Variants in MDGA2 observed in about 807,000 individuals in gnomAD.
MDGA2 encodes MAM domain-containing glycosylphosphatidylinositol anchor protein 2.
A neutral mutation model predicts 117.8 loss-of-function variants in MDGA2; 40 were observed. That is an observed-to-expected ratio of 0.34 (90% confidence interval 0.26 to 0.44). MDGA2 has a LOEUF of 0.44. MDGA2 is among the 20% of genes least tolerant of loss of function. The pLI is 1.00. For synonymous variants in MDGA2, 452 were observed against 439.0 expected, an observed-to-expected ratio of 1.03 and a Z score of -0.37; for missense variants, 1,123 against 1,250.6, an observed-to-expected ratio of 0.90 and a Z score of 1.54.
At chr14:47,332,084 T>C (rs1431773252) in intron 1 of MDGA2, among the ~76,000 whole-genome samples, 1 of 151,998 alleles carries the variant, frequency 6.6e-6, no homozygotes, top group Non-Finnish European at 1.5e-5. Context: ...AAAATAATAA[T>C]ATTGAGTTTT....
At chr14:47,546,629 G>T (rs1895468030) in intron 1 of MDGA2, among the ~76,000 whole-genome samples, 1 of 152,112 alleles carries the variant, frequency 6.6e-6, no homozygotes, top group Non-Finnish European at 1.5e-5. Context: ...TCTATCCAAA[G>T]AACATGAGAA....
At chr14:46,867,991 C>T (rs1881845253) in intron 14 of MDGA2, among the ~76,000 whole-genome samples, 1 of 151,838 alleles carries the variant, frequency 6.6e-6, no homozygotes, top group African/African-American at 2.4e-5. Flanking sequence ...AACTAAACTG[C>T]ATACTTTCAA....
At chr14:46,972,352 CTA>C (rs1772286280) in intron 8 of MDGA2, among the ~76,000 whole-genome samples, 1 of 152,004 alleles carries the variant, frequency 6.6e-6, no homozygotes, top group South Asian at 2.1e-4. Flanking sequence ...CAGTAGAGAA[CTA>C]TATGGAAATC....
chr14:47,224,749 G>T (rs1886424914), intron 2 of MDGA2, among the ~76,000 whole-genome samples: 1 of 152,124 alleles, frequency 6.6e-6, no homozygotes, highest in African/African-American at 2.4e-5. Context: ...ACCTAAAAAG[G>T]TTACAGAGTG....
intron 1 of MDGA2, among the ~76,000 whole-genome samples, chr14:47,647,110 T>C (rs1258555555): frequency 1.3e-5 from 2 of 152,200 alleles, no homozygotes; most frequent in East Asian, 3.8e-4. Context: ...CAAATGTTCA[T>C]AAAAATAAAT....
intron 2 of MDGA2, among the ~76,000 whole-genome samples, chr14:47,282,175 C>T (rs573941251): frequency 1.3e-5 from 2 of 152,120 alleles, no homozygotes; most frequent in South Asian, 4.1e-4. Context: ...CGAATATATG[C>T]ATAAGCATTC....
chr14:47,196,818 C>T (rs1407023633), intron 3 of MDGA2, among the ~76,000 whole-genome samples: 1 of 152,086 alleles, frequency 6.6e-6, no homozygotes, highest in African/African-American at 2.4e-5. Context: ...ACCCTCTTCC[C>T]CACTCTCTAC....
chr14:46,912,168 A>G (rs1445838262), intron 10 of MDGA2, among the ~76,000 whole-genome samples: 1 of 152,160 alleles, frequency 6.6e-6, no homozygotes, highest in Non-Finnish European at 1.5e-5. Flanking sequence ...ATGACCTTAA[A>G]CAAATGACAT....
intron 10 of MDGA2, among the ~76,000 whole-genome samples, chr14:46,905,916 A>C (rs1313159403): frequency 6.6e-6 from 1 of 152,128 alleles, no homozygotes; most frequent in Non-Finnish European, 1.5e-5. Flanking sequence ...GTGGGCACTG[A>C]AAATATGCAT....
Position 47,675,392 on chromosome 14 carries a change from A to C in MDGA2, c.-596T>G, listed in dbSNP as rs1594977313. Among the ~76,000 whole-genome samples the C allele has an allele frequency of 1.3e-5, 2 of 149,170 alleles. No homozygotes were observed. The highest frequency in any genetic ancestry group is 1.5e-5 in the Non-Finnish European group (1 of 67,220). On this transcript the variant is annotated 5_prime_UTR_variant, in exon 1 of 17. Coordinates refer to ENST00000399232, the MANE Select transcript of MDGA2 (RefSeq NM_001113498.3). ...GGGGAACGGGGGTGGGGAAGAGGGA[A>C]GGGAGGAGGGGGAAGAAGGAGGAGG...
chr14:46,957,468 G>T lies in MDGA2; in HGVS notation c.1995C>A (p.Tyr665Ter). ...TTTCATTGGAAAGACTCTTCACAGC[G>T]TACTCTGTGTATTCCTGAGAGTCAA... is the stretch of plus-strand genomic sequence containing the variant. ...GQFDSQEYTEYAVKSLSNENY... is the reference protein window; with the variant it reads ...GQFDSQEYTE Residue 665 changes from tyrosine to a stop codon, truncating the protein, a stop_gained, in exon 9 of 17, where the codon TAC (tyrosine) becomes TAA (stop). Coordinates refer to ENST00000399232, the MANE Select transcript of MDGA2 (RefSeq NM_001113498.3). LOFTEE classifies it high-confidence loss of function. 1 of 1,614,050 alleles carries T rather than the reference G, an allele frequency of 6.2e-7. No individual in the cohort carries two copies. The highest frequency in any genetic ancestry group is 8.5e-7 in the Non-Finnish European group (1 of 1,179,984).
chr14:47,018,761 A>AAAAAAAAC (rs1888176577), intron 8 of MDGA2, among the ~76,000 whole-genome samples: 1 of 136,884 alleles, frequency 7.3e-6, no homozygotes, highest in Non-Finnish European at 1.6e-5. Context: ...AAAAAAAAAA[A>AAAAAAAAC]AGTCTCCATT....
At chr14:47,197,887 C>T (rs573625718) in intron 3 of MDGA2, among the ~76,000 whole-genome samples, 4 of 151,888 alleles carry the variant, frequency 2.6e-5, no homozygotes, top group African/African-American at 7.3e-5. Context: ...CCTGCCTGGG[C>T]GACAGAGCTA....
At chr14:47,496,072 T>G (rs1009202935) in intron 1 of MDGA2, among the ~76,000 whole-genome samples, 7 of 152,128 alleles carry the variant, frequency 4.6e-5, no homozygotes, top group Non-Finnish European at 8.8e-5. Context: ...TAAAATATAT[T>G]TTTTCATTCT....
intron 1 of MDGA2, among the ~76,000 whole-genome samples, chr14:47,606,217 T>C (rs2138891243): frequency 6.6e-6 from 1 of 152,312 alleles, no homozygotes. Flanking sequence ...CATATGTGTT[T>C]GTTGCATGAA....
rs573480826 is a variant in MDGA2, at chr14:47,023,030, T to C, written c.1819+11981A>G. ...GTGAGAGACAAAGGGGCAAGCTTTT[T>C]CAGGTGGACTGGAAATGAGAACCAC... On this transcript the variant is annotated intron_variant, in intron 8 of 16. Coordinates refer to ENST00000399232, the MANE Select transcript of MDGA2 (RefSeq NM_001113498.3). Among the ~76,000 whole-genome samples the C allele has an allele frequency of 3.3e-5, 5 of 152,150 alleles. No individual in the cohort carries two copies. In the South Asian group the frequency reaches 6.2e-4, roughly 19 times the overall value.
intron 6 of MDGA2, among the ~76,000 whole-genome samples, chr14:47,088,222 T>C (rs1188268566): frequency 6.6e-6 from 1 of 152,026 alleles, no homozygotes; most frequent in Non-Finnish European, 1.5e-5. Context: ...TGATAATTTT[T>C]AGATTTTATA....
At chr14:47,058,779 T>A in intron 7 of MDGA2, 3 of 985,474 alleles carry the variant, frequency 3.0e-6, no homozygotes, top group Non-Finnish European at 3.6e-6. Flanking sequence ...CAGTAACTCA[T>A]TCTTTAGGTT....
intron 1 of MDGA2, among the ~76,000 whole-genome samples, chr14:47,651,250 G>A (rs866851385): frequency 0.01 from 1,237 of 120,026 alleles, 11 homozygotes; most frequent in Non-Finnish European, 0.018. Context: ...GTGTGTGTGT[G>A]TATACCCATA....
Sources: gnomAD v4.1 joint callset for allele counts (sites outside exome capture counted in the v4.1 genomes callset) on GRCh38, gnomAD v4.1.1 for gene constraint, MANE v1.5 for transcripts, NCBI Gene and HGNC (gene_info 2026-07-23, HGNC 2026-07-21) for gene names.